Variants in RTEL1 observed in about 807,000 individuals in gnomAD.
RTEL1 encodes the protein regulator of telomere elongation helicase 1, also known as regulator of telomere length.
Under a neutral mutation model 162.2 loss-of-function variants are expected in RTEL1, and 86 were observed. The observed-to-expected ratio is 0.53, with a 90% CI of 0.45 to 0.63. The LOEUF (loss-of-function observed/expected upper bound fraction) is 0.63. RTEL1 is among the 30% of genes least tolerant of loss of function. The probability of loss-of-function intolerance (pLI) is 0.00; values close to 1 mark genes in which losing one functional copy is unlikely to be tolerated. For synonymous variants in RTEL1, 958 were observed against 717.9 expected, an observed-to-expected ratio of 1.33 and a Z score of -5.35; for missense variants, 1,941 against 1,750.2, an observed-to-expected ratio of 1.11 and a Z score of -1.95.
At position 63,688,612 on chromosome 20, in the gene RTEL1, A is replaced by G. The variant is rs1477588250; in HGVS notation, c.1800+7A>G. On this transcript the variant is annotated splice_region_variant and intron_variant, in intron 21 of 34. Transcript: ENST00000360203. ...CAAAGGCAGCTTCTCCGAGGTCGGC[A>G]CTTGGCCGGGGCTCTGGGCCTGCTG... The G allele has an allele frequency of 4.4e-6, 7 of 1,601,796 alleles. No homozygotes were observed. The highest frequency in any genetic ancestry group is 6.0e-6 in the Non-Finnish European group (7 of 1,176,180).
chr20:63,687,434 T>G (rs1342212393), intron 16 of RTEL1: 1 of 580,160 alleles, frequency 1.7e-6, no homozygotes, highest in Non-Finnish European at 3.0e-6. Context: ...GGACCCCCTG[T>G]CCCCCAGAGG....
intron 10 of RTEL1, among the ~76,000 whole-genome samples, chr20:63,677,068 T>G (rs562932163): frequency 1.1e-4 from 16 of 150,350 alleles, no homozygotes; most frequent in African/African-American, 3.7e-4. Flanking sequence ...TCATGTGGGC[T>G]CTTGTGTCCT....
intron 10 of RTEL1, among the ~76,000 whole-genome samples, chr20:63,676,007 G>C (rs973163050): frequency 6.6e-6 from 1 of 152,196 alleles, no homozygotes; most frequent in Non-Finnish European, 1.5e-5. Flanking sequence ...AGTGGGGGAC[G>C]TGTGGTGGGG....
rs1378640561 is a variant in RTEL1 at position 63,696,137 on chromosome 20, A to C, written c.*279A>C. 2 of 514,078 alleles carry C rather than the reference A, an allele frequency of 3.9e-6. No individual in the cohort carries two copies. The highest frequency in any genetic ancestry group is 5.1e-4 in the Middle Eastern group (1 of 1,958). 31.8% of individuals were successfully genotyped at this position (514,078 alleles called of 1,614,324 possible). A position where few individuals can be genotyped will look rare whatever the true frequency, so the allele number is the denominator to read the frequency against. ...GCTCCTGGCCTGTGAGTGGTGCCAC[A>C]GGGGCACCCCAGCTGAGCCCCTCAC... On this transcript the variant is annotated 3_prime_UTR_variant, in exon 35 of 35. Coordinates refer to ENST00000360203, the MANE Select transcript of RTEL1 (RefSeq NM_001283009.2).
intron 14 of RTEL1, among the ~76,000 whole-genome samples, chr20:63,684,097 G>A (rs577167762): frequency 6.6e-6 from 1 of 152,082 alleles, no homozygotes; most frequent in Non-Finnish European, 1.5e-5. Flanking sequence ...ATGCTAAACC[G>A]GGTCTTGTGT....
chr20:63,685,411 G>A (rs1437932183), intron 14 of RTEL1, 112 bp from the exon 15 acceptor site: 20 of 1,073,912 alleles, frequency 1.9e-5, no homozygotes, highest in Admixed American at 9.5e-5. Context: ...GGCAGGGGCC[G>A]GTGAACCGAT....
Position 63,668,773 on chromosome 20 carries a change from C to T in RTEL1, c.699+1220C>T, listed in dbSNP as rs765908634. On this transcript the variant is annotated intron_variant, in intron 8 of 34. Coordinates refer to ENST00000360203, the MANE Select transcript of RTEL1 (RefSeq NM_001283009.2). The surrounding 1 kb of genome is among the most constrained non-coding windows in gnomAD (Gnocchi z 4.3). ...GCCCCTCCCTGGGACAGTTATATCA[C>T]AGCTGGTAAGCCGAGTCTAACACTT... Among the ~76,000 whole-genome samples the T allele has an allele frequency of 6.6e-6, 1 of 152,164 alleles. No homozygotes were observed. Among genetic ancestry groups the T allele is most frequent in the African/African-American group, 2.4e-5 (1 of 41,422 alleles).
At position 63,661,370 on chromosome 20, in the gene RTEL1, T is replaced by A; in HGVS notation, c.175T>A (p.Trp59Arg). 1 of 1,613,708 alleles carries A rather than the reference T, an allele frequency of 6.2e-7. No homozygotes were observed. Among genetic ancestry groups the A allele is most frequent in the Non-Finnish European group, 8.5e-7 (1 of 1,180,026 alleles). Reference protein sequence around the residue: ...TLCLLCTTLAWREHLRDGISA... With the variant: ...TLCLLCTTLARREHLRDGISA... ...GTGCCTGCTGTGCACCACGCTGGCCTGGCGAGAACACCTCCGAGACGGCAT... is the reference window on the plus strand; with the variant it reads ...GTGCCTGCTGTGCACCACGCTGGCCAGGCGAGAACACCTCCGAGACGGCAT... The change falls in exon 3 of 35, where the codon TGG (tryptophan) becomes AGG (arginine). Residue 59 changes from tryptophan (W) to arginine (R), a missense_variant. Physicochemically the swap from Trp to Arg is moderately radical, Grantham distance 101 (BLOSUM62 -3). Transcript: ENST00000360203. The surrounding 1 kb of genome is among the most constrained non-coding windows in gnomAD (Gnocchi z 5.1).
At chr20:63,679,768 G>T (rs1409244011) in intron 12 of RTEL1, 81 bp from the exon 13 acceptor site, 1 of 1,081,510 alleles carries the variant, frequency 9.2e-7, no homozygotes. Context: ...TCAGGCCCGA[G>T]CCTGCCTTCT....
Position 63,694,923 on chromosome 20 carries a change from G to C in RTEL1, c.3292G>C (p.Val1098Leu). 1 of 1,612,642 alleles carries C rather than the reference G, an allele frequency of 6.2e-7. No individual in the cohort carries two copies. Among genetic ancestry groups the C allele is most frequent in the South Asian group, 1.1e-5 (1 of 91,084 alleles). Residue 1098 changes from valine (V) to leucine (L), a missense_variant, in exon 32 of 35, where the codon GTG (valine) becomes CTG (leucine). Physicochemically the swap from Val to Leu is conservative, Grantham distance 32. Transcript: ENST00000360203. ...QDDDLDKVLA[V>L]LAALTTAKPE... ...CGACGACCTCGACAAGGTGCTGGCTGTGTTGGCCGCCCTGACCACTGCAAA... is the reference window on the plus strand; with the variant it reads ...CGACGACCTCGACAAGGTGCTGGCTCTGTTGGCCGCCCTGACCACTGCAAA...
At chr20:63,678,478 G>T in intron 12 of RTEL1, 132 bp downstream of exon 12, 1 of 811,272 alleles carries the variant, frequency 1.2e-6, no homozygotes, top group South Asian at 1.7e-5. Context: ...TTGAGACCTG[G>T]GAGGAGCACC....
chr20:63,683,146 T>G (rs903854323), intron 14 of RTEL1, among the ~76,000 whole-genome samples: 2 of 152,158 alleles, frequency 1.3e-5, no homozygotes, highest in Admixed American at 6.5e-5. Context: ...AAAATTTTTT[T>G]GTAGAGATGA....
chr20:63,685,766 A>G, intron 15 of RTEL1, 25 bp from the exon 16 acceptor site: 1 of 1,608,662 alleles, frequency 6.2e-7, no homozygotes, highest in Non-Finnish European at 8.5e-7. Flanking sequence ...CGGGGCCTCC[A>G]CACTCCTGGT....
chr20:63,673,866 C>T, intron 9 of RTEL1, 74 bp from the exon 10 acceptor site: 3 of 1,509,866 alleles, frequency 2.0e-6, no homozygotes, highest in Non-Finnish European at 2.7e-6. Flanking sequence ...TTCTGCACCC[C>T]CACCCCATTT....
In RTEL1 at chr20:63,688,346, C is replaced by T; in HGVS notation, c.1682C>T (p.Pro561Leu). 6.2e-7 allele frequency: 1 copy of T among 1,612,726 alleles called. No individual in the cohort carries two copies. Among genetic ancestry groups the T allele is most frequent in the Admixed American group, 1.7e-5 (1 of 60,018 alleles). Residue 561 changes from proline to leucine, a missense_variant, in exon 20 of 35, where the codon CCT (proline) becomes CTT (leucine). Coordinates refer to ENST00000360203, the MANE Select transcript of RTEL1 (RefSeq NM_001283009.2). The part of the protein sequence containing the change: ...VVPYGLLIFF[P>L]SYPVMEKSLE... ...CCCTATGGGCTCCTGATCTTCTTCCCTTCCTATCCTGTCATGGAGAAGAGC... is the reference window on the plus strand; with the variant it reads ...CCCTATGGGCTCCTGATCTTCTTCCTTTCCTATCCTGTCATGGAGAAGAGC...
In RTEL1 at chr20:63,667,032, G is replaced by A. The variant is rs367703913; in HGVS notation, c.615-437G>A. On this transcript the variant is annotated intron_variant, in intron 7 of 34. Transcript: ENST00000360203. Reference sequence around the variant, plus strand: ...TTTTCTGTATTTTTAGTAGAGACGGGGTTTCACCGTGTTAGCCAGGATGGT... The same window carrying A: ...TTTTCTGTATTTTTAGTAGAGACGGAGTTTCACCGTGTTAGCCAGGATGGT... Among the ~76,000 whole-genome samples the A allele has an allele frequency of 8.8e-4, 132 of 150,612 alleles. 3 individuals carry two copies. In the South Asian group the frequency reaches 0.012, roughly 13 times the overall value.
At position 63,695,795 on chromosome 20, in the gene RTEL1, A is replaced by G. The variant is rs759916800; in HGVS notation, c.3840A>G (p.Pro1280=). The change falls in exon 35 of 35, where the codon CCA becomes CCG. Residue 1280 remains proline (P), a synonymous_variant. Transcript: ENST00000360203. ...TCTCACAGGCCTCTAGGATGTGCCCAGCCTGCCACACCGCCTCCAGGAAGC... is the reference window on the plus strand; with the variant it reads ...TCTCACAGGCCTCTAGGATGTGCCCGGCCTGCCACACCGCCTCCAGGAAGC... ...QRHLQASRMC[P]ACHTASRKQS... is the part of the protein sequence containing the mutation. 8 of 1,596,204 alleles carry G rather than the reference A, an allele frequency of 5.0e-6. No individual in the cohort carries two copies. In the Admixed American group the frequency reaches 1.4e-4, roughly 28 times the overall value.
At chr20:63,686,849 C>T (rs1366128225) in intron 16 of RTEL1, 1 of 166,286 alleles carries the variant, frequency 6.0e-6, no homozygotes, top group Non-Finnish European at 1.3e-5. Flanking sequence ...GCACAGATTC[C>T]AAGGGCCTGG....
chr20:63,694,541 G>A, intron 31 of RTEL1, 53 bp downstream of exon 31: 1 of 1,412,882 alleles, frequency 7.1e-7, no homozygotes, highest in Non-Finnish European at 9.8e-7. Context: ...TCCCTCAGTG[G>A]CTTCACGAGG....
Sources: allele counts gnomAD v4.1 joint callset (sites outside exome capture counted in the v4.1 genomes callset), GRCh38; gene constraint gnomAD v4.1.1; non-coding constraint Gnocchi (gnomAD v3.1); transcripts MANE v1.5; gene names NCBI Gene and HGNC (gene_info 2026-07-23, HGNC 2026-07-21).